Variants in DNAH7 observed in about 807,000 individuals in gnomAD.
DNAH7 encodes the protein axonemal beta dynein heavy chain 7.
In DNAH7, 397 loss-of-function variants were observed where a neutral mutation model predicts 444.6. The ratio of observed to expected loss-of-function variants is 0.89; its 90% confidence interval spans 0.82 to 0.97. DNAH7 has a LOEUF of 0.97. Among genes scored for constraint, DNAH7 ranks in the 50% least tolerant of loss-of-function variants. The pLI is 0.00. For missense variants in DNAH7, 4,902 were observed against 4,800.8 expected, an observed-to-expected ratio of 1.02 and a Z score of -0.62; for synonymous variants, 1,636 against 1,624.4, an observed-to-expected ratio of 1.01 and a Z score of -0.17.
At chr2:195,752,129 G>C (rs915732848) in intron 63 of DNAH7, among the ~76,000 whole-genome samples, 1 of 152,084 alleles carries the variant, frequency 6.6e-6, no homozygotes, top group African/African-American at 2.4e-5. Flanking sequence ...AAAATTAGCT[G>C]GGCAAGGTGG....
intron 17 of DNAH7, among the ~76,000 whole-genome samples, chr2:195,963,570 A>T (rs894317844): frequency 6.6e-6 from 1 of 152,060 alleles, no homozygotes; most frequent in African/African-American, 2.4e-5. Context: ...TTGTCTCTTC[A>T]TGTTGTTTAT....
At chr2:195,751,520 C>T (rs556621128) in intron 63 of DNAH7, among the ~76,000 whole-genome samples, 217 of 151,986 alleles carry the variant, frequency 1.4e-3, no homozygotes, top group African/African-American at 5.1e-3. Context: ...TGAGGGAGAG[C>T]GATAATAAAG....
At chr2:195,929,152 G>T (rs1039213586) in intron 21 of DNAH7, among the ~76,000 whole-genome samples, 1 of 151,938 alleles carries the variant, frequency 6.6e-6, no homozygotes, top group South Asian at 2.1e-4. Context: ...AAATACCTAG[G>T]AATTCATCTA....
Position 195,987,154 on chromosome 2 carries a change from A to G in DNAH7, c.1666T>C (p.Leu556=), listed in dbSNP as rs759303451. The change falls in exon 14 of 65, where the codon TTA becomes CTA. Residue 556 remains leucine, a synonymous_variant. Coordinates refer to ENST00000312428, the MANE Select transcript of DNAH7 (RefSeq NM_018897.3). The part of the protein sequence containing the change: ...LGMFEMHCEE[L]IRALVKRADI... ...GCTCGCTTCACCAAAGCTCTGATTA[A>G]TTCCTCACAGTGCATTTCAAACATT... 6.2e-7 allele frequency: 1 copy of G among 1,606,548 alleles called. No homozygotes were observed.
chr2:195,774,777 A>T (rs1364662493), intron 60 of DNAH7, among the ~76,000 whole-genome samples: 1 of 152,248 alleles, frequency 6.6e-6, no homozygotes, highest in Non-Finnish European at 1.5e-5. Context: ...CAGCACTAGT[A>T]CAGAGTAAGC....
chr2:195,794,849 C>T (rs919840958), intron 56 of DNAH7, among the ~76,000 whole-genome samples: 82 of 152,292 alleles, frequency 5.4e-4, no homozygotes, highest in African/African-American at 1.9e-3. Context: ...CTTGTATGTG[C>T]ACTGATGTTG....
chr2:195,809,855 C>A lies in DNAH7; in HGVS notation c.9778G>T (p.Asp3260Tyr). The change falls in exon 52 of 65, where the codon GAT (aspartate) becomes TAT (tyrosine). Residue 3260 changes from aspartate to tyrosine, a missense_variant. Physicochemically the swap from Asp to Tyr is radical, Grantham distance 160. Transcript: ENST00000312428. ...ACATACAGTGAATAAGTAAAGTGAT[C>A]CTTGAGAATCTGAAGCCTAAGGGTC... ...ILAKRLQILK[D>Y]HFTYSLYVNV... 6.4e-7 allele frequency: 1 copy of A among 1,564,390 alleles called. No homozygotes were observed. The highest frequency in any genetic ancestry group is 1.2e-5 in the South Asian group (1 of 81,268).
chr2:195,830,040 T>C (rs1697986845), intron 48 of DNAH7, among the ~76,000 whole-genome samples: 1 of 152,174 alleles, frequency 6.6e-6, no homozygotes, highest in Non-Finnish European at 1.5e-5. Flanking sequence ...AATTTCGTTA[T>C]TTTATTTTGA....
At chr2:195,964,312 T>A (rs1003883269) in intron 17 of DNAH7, among the ~76,000 whole-genome samples, 1 of 152,184 alleles carries the variant, frequency 6.6e-6, no homozygotes, top group African/African-American at 2.4e-5. Context: ...CACCTTCAAT[T>A]TCTTTCATCA....
chr2:195,978,139 T>C (rs1446223000), intron 15 of DNAH7, among the ~76,000 whole-genome samples: 1 of 151,964 alleles, frequency 6.6e-6, no homozygotes, highest in Non-Finnish European at 1.5e-5. Flanking sequence ...ACTATATATA[T>C]ATGTTAAGTA....
At chr2:195,990,651 C>T (rs915814355) in intron 12 of DNAH7, among the ~76,000 whole-genome samples, 3 of 150,716 alleles carry the variant, frequency 2.0e-5, no homozygotes, top group African/African-American at 7.3e-5. Context: ...AGAGTAAGAC[C>T]CTGTCTCGAA....
intron 54 of DNAH7, among the ~76,000 whole-genome samples, chr2:195,804,847 T>TATCC (rs60924194): frequency 0.091 from 13,844 of 152,178 alleles, 683 homozygotes; most frequent in African/African-American, 0.13. Flanking sequence ...TCTATCTATC[T>TATCC]ATCCAAGTAA....
At chr2:195,758,571 A>G (rs939036048) in intron 61 of DNAH7, among the ~76,000 whole-genome samples, 6 of 152,226 alleles carry the variant, frequency 3.9e-5, no homozygotes, top group Admixed American at 2.6e-4. Flanking sequence ...AAGCAACTTC[A>G]TAAGAACCAA....
At chr2:196,065,417 C>G (rs1698376538) in intron 1 of DNAH7, among the ~76,000 whole-genome samples, 1 of 152,142 alleles carries the variant, frequency 6.6e-6, no homozygotes, top group African/African-American at 2.4e-5. Flanking sequence ...GATTTATGGA[C>G]AGGGAACTAT....
rs150737429 is a variant in DNAH7, at chr2:195,760,914, G to C, written c.11434-4629C>G. The stretch of plus-strand genomic sequence containing the variant: ...ATCCACAAGCATCAAGACCATCTAG[G>C]ATACTGAATAGTGTCTGGGTAGCAA... On this transcript the variant is annotated intron_variant, in intron 61 of 64. Coordinates refer to ENST00000312428, the MANE Select transcript of DNAH7 (RefSeq NM_018897.3). 1.9e-3 allele frequency among the ~76,000 whole-genome samples: 293 copies of C among 151,842 alleles called. 1 individual carries two copies. Among genetic ancestry groups the C allele is most frequent in the African/African-American group, 6.7e-3 (276 of 41,414 alleles).
At chr2:195,831,556 G>A (rs1022202769) in intron 48 of DNAH7, among the ~76,000 whole-genome samples, 3 of 152,218 alleles carry the variant, frequency 2.0e-5, no homozygotes, top group Admixed American at 1.3e-4. Context: ...GTTAAATATA[G>A]AAATAGCTTT....
chr2:195,740,806 G>C lies in DNAH7; in HGVS notation c.11828C>G (p.Ala3943Gly). Reference sequence around the variant, plus strand: ...ATAAAGAATTTTGGGATGCGATTCTGCAAGTTTCTTGATCTTTCTATTCCA... The same window carrying C: ...ATAAAGAATTTTGGGATGCGATTCTCCAAGTTTCTTGATCTTTCTATTCCA... ...ASWNRKIKKL[A>G]ESHPKILYDT... Residue 3943 changes from alanine (A) to glycine (G), a missense_variant, in exon 64 of 65, where the codon GCA becomes GGA. Ala to Gly is a moderately conservative substitution (Grantham distance 60, BLOSUM62 0). Transcript: ENST00000312428. 2 of 1,560,754 alleles carry C rather than the reference G, an allele frequency of 1.3e-6. No individual in the cohort carries two copies. Among genetic ancestry groups the C allele is most frequent in the South Asian group, 2.5e-5 (2 of 80,242 alleles).
intron 21 of DNAH7, among the ~76,000 whole-genome samples, chr2:195,932,360 T>C (rs1688755668): frequency 6.6e-6 from 1 of 152,208 alleles, no homozygotes; most frequent in Admixed American, 6.5e-5. Flanking sequence ...TCATGTCATC[T>C]GCAGCAGAGA....
intron 61 of DNAH7, among the ~76,000 whole-genome samples, chr2:195,759,245 A>G (rs1005533687): frequency 5.9e-5 from 9 of 152,196 alleles, no homozygotes; most frequent in African/African-American, 2.2e-4. Context: ...CCTGGGGTCC[A>G]CATTCTAAGC....
Sources: gnomAD v4.1 joint callset for allele counts (sites outside exome capture counted in the v4.1 genomes callset) on GRCh38, gnomAD v4.1.1 for gene constraint, MANE v1.5 for transcripts, NCBI Gene and HGNC (gene_info 2026-07-23, HGNC 2026-07-21) for gene names.